The following TLN2 variants were observed in gnomAD, a reference collection of about 807,000 sequenced individuals.
TLN2 encodes talin-2.
In TLN2, 118 loss-of-function variants were observed where a neutral mutation model predicts 294.7. That is an observed-to-expected ratio of 0.40 (90% confidence interval 0.34 to 0.47). The LOEUF (loss-of-function observed/expected upper bound fraction) is 0.47, where lower values mean the gene tolerates loss of function less well. Ranked by LOEUF, TLN2 falls within the 20% of genes least tolerant of loss-of-function variation. The pLI is 0.84. For missense variants in TLN2, 3,083 were observed against 3,282.2 expected, an observed-to-expected ratio of 0.94 and a Z score of 1.48; for synonymous variants, 1,431 against 1,304.5, an observed-to-expected ratio of 1.10 and a Z score of -2.09.
chr15:62,522,308 T>G (rs2040500916), intron 1 of TLN2, among the ~76,000 whole-genome samples: 3 of 152,226 alleles, frequency 2.0e-5, no homozygotes, highest in Admixed American at 2.0e-4. Flanking sequence ...AGAATCTGTG[T>G]CAGTAAATCC....
intron 12 of TLN2, among the ~76,000 whole-genome samples, chr15:62,691,069 G>A (rs2057863882): frequency 6.9e-6 from 1 of 144,602 alleles, no homozygotes; most frequent in Non-Finnish European, 1.5e-5. Flanking sequence ...GGGAGGGGGA[G>A]GGGTATGGGC....
Position 62,792,721 on chromosome 15 carries a change from G to T in TLN2, c.5817G>T (p.Gln1939His). 1 of 1,614,092 alleles carries T rather than the reference G, an allele frequency of 6.2e-7. No homozygotes were observed. Among genetic ancestry groups the T allele is most frequent in the South Asian group, 1.1e-5 (1 of 91,084 alleles). ...IFLVQKAGAL[Q>H]VCPTDSYTKR... is the part of the protein sequence containing the mutation. The stretch of plus-strand genomic sequence containing the variant: ...TGGTGCAGAAGGCAGGGGCCCTCCA[G>T]GTCTGCCCCACAGACAGCTACACCA... Residue 1939 changes from glutamine (Q) to histidine (H), a missense_variant, in exon 46 of 59, where the codon CAG becomes CAT. Coordinates refer to ENST00000636159, the MANE Select transcript of TLN2 (RefSeq NM_015059.3).
chr15:62,462,863 T>G (rs747240745), intron 1 of TLN2, among the ~76,000 whole-genome samples: 1 of 152,172 alleles, frequency 6.6e-6, no homozygotes, highest in Non-Finnish European at 1.5e-5. Context: ...AAAATGCCCT[T>G]GTTAGGAAAT....
At chr15:62,543,277 T>G (rs2041803938) in intron 1 of TLN2, among the ~76,000 whole-genome samples, 1 of 152,188 alleles carries the variant, frequency 6.6e-6, no homozygotes, top group South Asian at 2.1e-4. Context: ...AACTCTATAT[T>G]CTCAACTCTA....
chr15:62,800,303 G>A (rs956397896), intron 48 of TLN2, 65 bp from the exon 49 acceptor site: 18 of 1,578,184 alleles, frequency 1.1e-5, no homozygotes, highest in Middle Eastern at 1.7e-4. Flanking sequence ...CAGGCTGCAT[G>A]CCTTGGTAAA....
chr15:62,577,602 T>C (rs2140672349), intron 1 of TLN2, among the ~76,000 whole-genome samples: 1 of 152,300 alleles, frequency 6.6e-6, no homozygotes, highest in South Asian at 2.1e-4. Context: ...TGAAATAATT[T>C]TGGCCGTGAG....
chr15:62,792,420 A>G (rs2065137823), intron 45 of TLN2, among the ~76,000 whole-genome samples: 2 of 152,236 alleles, frequency 1.3e-5, no homozygotes, highest in Admixed American at 6.5e-5. Flanking sequence ...TAGGACCTCA[A>G]GATACAGCCT....
intron 1 of TLN2, among the ~76,000 whole-genome samples, chr15:62,417,854 C>T (rs1249325902): frequency 6.6e-6 from 1 of 152,224 alleles, no homozygotes; most frequent in Non-Finnish European, 1.5e-5. Context: ...CTCCCTTTTA[C>T]CGCTCTGGTC....
chr15:62,417,065 G>C (rs947116941), intron 1 of TLN2, among the ~76,000 whole-genome samples: 4 of 152,148 alleles, frequency 2.6e-5, no homozygotes, highest in African/African-American at 9.7e-5. Flanking sequence ...TTTTGGAGTT[G>C]ACGTTGGGGA....
At chr15:62,780,642 T>C (rs1240737702) in intron 43 of TLN2, among the ~76,000 whole-genome samples, 1 of 152,208 alleles carries the variant, frequency 6.6e-6, no homozygotes, top group Non-Finnish European at 1.5e-5. Context: ...TTCTAATTCC[T>C]TCTATTCCCC....
At chr15:62,566,196 G>A in intron 1 of TLN2, among the ~76,000 whole-genome samples, 1 of 152,082 alleles carries the variant, frequency 6.6e-6, no homozygotes, top group East Asian at 1.9e-4. Context: ...TGGGGGCTTG[G>A]GGTGCGGGCA....
At chr15:62,459,299 CT>C (rs35344244) in intron 1 of TLN2, among the ~76,000 whole-genome samples, 48,552 of 130,168 alleles carry the variant, frequency 0.37, 9,088 homozygotes, top group East Asian at 0.66. Context: ...CACGCTCGGC[CT>C]TTTTTTTTTT....
intron 1 of TLN2, among the ~76,000 whole-genome samples, chr15:62,429,248 G>T (rs1342689554): frequency 6.6e-6 from 1 of 152,156 alleles, no homozygotes; most frequent in Non-Finnish European, 1.5e-5. Context: ...GGAGAGGCCT[G>T]TGTGGTTGGA....
chr15:62,607,980 G>T (rs553528226), intron 2 of TLN2, among the ~76,000 whole-genome samples: 51 of 152,292 alleles, frequency 3.3e-4, no homozygotes, highest in African/African-American at 1.1e-3. Context: ...ATTTTATGCA[G>T]ACTCTCTCTG....
intron 1 of TLN2, among the ~76,000 whole-genome samples, chr15:62,437,752 G>T (rs2437133): frequency 0.2 from 29,916 of 150,242 alleles, 3,907 homozygotes; most frequent in East Asian, 0.57. Flanking sequence ...ACACCATGGG[G>T]GTGTGTGTGT....
intron 9 of TLN2, among the ~76,000 whole-genome samples, chr15:62,671,647 TC>T (rs2055440808): frequency 6.6e-6 from 1 of 152,254 alleles, no homozygotes; most frequent in Non-Finnish European, 1.5e-5. Context: ...GTGTATCTGT[TC>T]TTACATCATT....
intron 1 of TLN2, among the ~76,000 whole-genome samples, chr15:62,500,384 C>T (rs1431497146): frequency 1.3e-5 from 2 of 152,090 alleles, no homozygotes; most frequent in Non-Finnish European, 2.9e-5. Flanking sequence ...GGCTTTCTGG[C>T]CCAAATTGCT....
intron 1 of TLN2, among the ~76,000 whole-genome samples, chr15:62,569,461 C>T (rs1253226827): frequency 6.6e-6 from 1 of 152,166 alleles, no homozygotes; most frequent in Non-Finnish European, 1.5e-5. Flanking sequence ...AGAAAGTTCC[C>T]CGCGGGAGGC....
chr15:62,442,512 AAAAAATT>A (rs1566974571), intron 1 of TLN2, among the ~76,000 whole-genome samples: 1 of 150,604 alleles, frequency 6.6e-6, no homozygotes, highest in African/African-American at 2.4e-5. Flanking sequence ...AAAAAAAAAA[AAAAAATT>A]AGAGGATGTC....
Sources: gnomAD v4.1 joint callset for allele counts (sites outside exome capture counted in the v4.1 genomes callset) on GRCh38, gnomAD v4.1.1 for gene constraint, MANE v1.5 for transcripts, NCBI Gene and HGNC (gene_info 2026-07-23, HGNC 2026-07-21) for gene names.